The following IQCB1 variants were observed in gnomAD, a reference collection of about 807,000 sequenced individuals.
The protein encoded by IQCB1 is IQ calmodulin-binding motif-containing protein 1.
Under a neutral mutation model 84.4 loss-of-function variants are expected in IQCB1, and 56 were observed. The ratio of observed to expected loss-of-function variants is 0.66; its 90% CI spans 0.54 to 0.83. The LOEUF is 0.83. Ranked by LOEUF, IQCB1 falls within the 40% of genes least tolerant of loss-of-function variation. The pLI, the probability that IQCB1 is intolerant of heterozygous loss-of-function variation, is 0.00. For synonymous variants in IQCB1, 210 were observed against 234.8 expected (o/e 0.89, Z 0.96); for missense variants, 629 against 682.1 (o/e 0.92, Z 0.87).
intron 7 of IQCB1, among the ~76,000 whole-genome samples, chr3:121,803,805 C>T (rs568749603): frequency 9.2e-5 from 14 of 152,296 alleles, no homozygotes; most frequent in African/African-American, 3.4e-4. Flanking sequence ...TCTTGTTCCA[C>T]CCCATTACTT....
At chr3:121,817,927 CAA>C (rs1950135002) in intron 5 of IQCB1, among the ~76,000 whole-genome samples, 1 of 152,070 alleles carries the variant, frequency 6.6e-6, no homozygotes, top group Non-Finnish European at 1.5e-5. Context: ...TGTGAGCACA[CAA>C]GAGAGTGGCT....
chr3:121,772,505 A>G lies in IQCB1; in HGVS notation c.1567+52T>C, dbSNP rs1374358456. ...CCTTCTAAAGGTTTTGGATGTCACAAACCTCGCATAGGTTGTTCCTTTTAG... is the reference window on the plus strand; with the variant it reads ...CCTTCTAAAGGTTTTGGATGTCACAGACCTCGCATAGGTTGTTCCTTTTAG... On this transcript the variant is annotated intron_variant, in intron 14 of 14. Coordinates refer to ENST00000310864, the MANE Select transcript of IQCB1 (RefSeq NM_001023570.4). 3.1e-6 allele frequency: 5 copies of G among 1,598,728 alleles called. No homozygotes were observed. The Admixed American group carries it at 8.3e-5, about 27-fold the overall frequency.
intron 5 of IQCB1, 93 bp downstream of exon 5, chr3:121,825,958 A>T: frequency 8.6e-7 from 1 of 1,167,448 alleles, no homozygotes; most frequent in Non-Finnish European, 1.3e-6. Flanking sequence ...CTTTAATTGT[A>T]CTTTCAGCCA....
chr3:121,771,076 A>G (rs1187810815), intron 14 of IQCB1, among the ~76,000 whole-genome samples: 1 of 152,124 alleles, frequency 6.6e-6, no homozygotes, highest in East Asian at 1.9e-4. Flanking sequence ...GGTTCAAGCA[A>G]TTCTCCTACC....
chr3:121,796,951 C>A (rs1016095177), intron 9 of IQCB1, among the ~76,000 whole-genome samples, 167 bp downstream of exon 9: 1 of 152,052 alleles, frequency 6.6e-6, no homozygotes, highest in Non-Finnish European at 1.5e-5. Flanking sequence ...TGGACTCAAG[C>A]AATCCTCCTG....
chr3:121,810,425 A>G (rs1178875229), intron 5 of IQCB1, among the ~76,000 whole-genome samples: 1 of 152,116 alleles, frequency 6.6e-6, no homozygotes, highest in Non-Finnish European at 1.5e-5. Flanking sequence ...TCTGTAGCCA[A>G]TTAATTCTTG....
At chr3:121,796,858 T>C (rs1949211972) in intron 9 of IQCB1, among the ~76,000 whole-genome samples, 1 of 152,082 alleles carries the variant, frequency 6.6e-6, no homozygotes, top group African/African-American at 2.4e-5. Flanking sequence ...ACATTATATT[T>C]TAAAGATGGG....
At chr3:121,796,938 T>C (rs1949214449) in intron 9 of IQCB1, among the ~76,000 whole-genome samples, 180 bp downstream of exon 9, 1 of 152,066 alleles carries the variant, frequency 6.6e-6, no homozygotes, top group African/African-American at 2.4e-5. Flanking sequence ...AGTCTCCAAT[T>C]CCTGGACTCA....
At chr3:121,832,484 G>A (rs1370794932) in intron 2 of IQCB1, among the ~76,000 whole-genome samples, 1 of 152,018 alleles carries the variant, frequency 6.6e-6, no homozygotes, top group Non-Finnish European at 1.5e-5. Context: ...GTGCCAACGT[G>A]CCCAGCTAAT....
chr3:121,779,326 C>G (rs1948377767), intron 13 of IQCB1, among the ~76,000 whole-genome samples: 1 of 152,082 alleles, frequency 6.6e-6, no homozygotes. Flanking sequence ...AAATATTTTT[C>G]TCTTTTTTCC....
At chr3:121,812,503 G>A (rs576642591) in intron 5 of IQCB1, among the ~76,000 whole-genome samples, 3 of 152,320 alleles carry the variant, frequency 2.0e-5, no homozygotes, top group African/African-American at 7.2e-5. Context: ...CTAACCCAGT[G>A]TAAGGAAGCT....
intron 12 of IQCB1, among the ~76,000 whole-genome samples, chr3:121,786,215 G>GAAAAGAAAAGAAAA (rs59609336): frequency 3.3e-4 from 49 of 147,126 alleles, no homozygotes; most frequent in Middle Eastern, 3.5e-3. Flanking sequence ...GAAAAGAAAA[G>GAAAAGAAAAGAAAA]GATGCTTTAA....
At chr3:121,774,887 T>C (rs891286466) in intron 13 of IQCB1, among the ~76,000 whole-genome samples, 3 of 152,210 alleles carry the variant, frequency 2.0e-5, no homozygotes, top group Non-Finnish European at 4.4e-5. Flanking sequence ...ATAGTTAAAA[T>C]GGTAATTTTT....
At chr3:121,832,359 C>A (rs933864730) in intron 2 of IQCB1, among the ~76,000 whole-genome samples, 2 of 142,740 alleles carry the variant, frequency 1.4e-5, no homozygotes, top group Admixed American at 1.4e-4. Flanking sequence ...GAGAGTCTGA[C>A]TCTGTTTACC....
At chr3:121,796,148 A>T (rs1266477536) in intron 9 of IQCB1, among the ~76,000 whole-genome samples, 1 of 152,156 alleles carries the variant, frequency 6.6e-6, no homozygotes, top group African/African-American at 2.4e-5. Context: ...TTTGTTACCT[A>T]ATCAATATGA....
chr3:121,801,583 T>C (rs1949410152), intron 7 of IQCB1, among the ~76,000 whole-genome samples: 1 of 152,082 alleles, frequency 6.6e-6, no homozygotes, highest in Non-Finnish European at 1.5e-5. Context: ...TTTTTAAAAA[T>C]ATAATTGATA....
At chr3:121,807,533 T>C (rs962973095) in intron 6 of IQCB1, 90 bp from the exon 7 acceptor site, 7 of 710,306 alleles carry the variant, frequency 9.9e-6, no homozygotes, top group Non-Finnish European at 1.5e-5. Flanking sequence ...AATCAAAGCA[T>C]GACCATCTCT....
intron 7 of IQCB1, among the ~76,000 whole-genome samples, chr3:121,800,436 C>A (rs1395085786): frequency 1.3e-5 from 2 of 151,758 alleles, no homozygotes; most frequent in African/African-American, 4.8e-5. Flanking sequence ...AGCAACATAC[C>A]TTAAATGTAA....
At chr3:121,819,586 A>G in intron 5 of IQCB1, among the ~76,000 whole-genome samples, 1 of 152,320 alleles carries the variant, frequency 6.6e-6, no homozygotes, top group East Asian at 1.9e-4. Context: ...CATATTTTTA[A>G]TATCTTATAC....
Sources: allele counts gnomAD v4.1 joint callset (sites outside exome capture counted in the v4.1 genomes callset), GRCh38; gene constraint gnomAD v4.1.1; transcripts MANE v1.5; gene names NCBI Gene and HGNC (gene_info 2026-07-23, HGNC 2026-07-21).